Variants in PIN4 observed in about 807,000 individuals in gnomAD.
PIN4 encodes the protein peptidyl-prolyl cis-trans isomerase NIMA-interacting 4.
Under a neutral mutation model 8.3 loss-of-function variants are expected in PIN4, and 3 were observed. The observed-to-expected ratio is 0.36, with a 90% CI of 0.16 to 0.93. PIN4 has a LOEUF of 0.93. PIN4 is among the 40% of genes least tolerant of loss of function. The pLI is 0.44. For synonymous variants in PIN4, 18 were observed against 32.5 expected (o/e 0.55, Z 1.52); for missense variants, 75 against 100.6 (o/e 0.75, Z 1.09).
At chrX:72,200,537 A>G (rs986817491), downstream of PIN4, among the ~76,000 whole-genome samples, 3 of 112,175 alleles carry the variant, frequency 2.7e-5, no homozygotes, top group Non-Finnish European at 5.6e-5. Context: ...AAGGTATACT[A>G]TAATCATATG....
chrX:72,218,473 A>G (rs2042899865), intron 3 of PIN4, among the ~76,000 whole-genome samples: 1 of 106,314 alleles, frequency 9.4e-6, no homozygotes, highest in African/African-American at 3.5e-5. Flanking sequence ...TGGCTTTTAT[A>G]ATAGTTTGTC....
intron 3 of PIN4, among the ~76,000 whole-genome samples, chrX:72,229,284 G>GTA (rs771824090): frequency 2.7e-5 from 3 of 111,519 alleles, no homozygotes; most frequent in Admixed American, 1.9e-4. Context: ...TAACTACCCA[G>GTA]TATCACCTGA....
At chrX:72,258,508 G>GCCCTTACT (rs1478513998) in intron 3 of PIN4, among the ~76,000 whole-genome samples, 1 of 111,405 alleles carries the variant, frequency 9.0e-6, no homozygotes. Flanking sequence ...AATCGCCCCA[G>GCCCTTACT]CCCTTACTCC....
exon 4 of PIN4, chrX:72,263,548 G>A (rs1405794968): frequency 8.9e-6 from 1 of 111,819 alleles, no homozygotes; most frequent in Non-Finnish European, 1.9e-5. Flanking sequence ...AAAAATAGCT[G>A]AGCACCACAC....
chrX:72,260,261 G>C (rs1355102218), intron 3 of PIN4, among the ~76,000 whole-genome samples: 2 of 112,219 alleles, frequency 1.8e-5, no homozygotes, highest in Non-Finnish European at 3.8e-5. Flanking sequence ...GTGCCGCCCG[G>C]TGTCCTTCCG....
chrX:72,233,283 G>GAC (rs2042996087), intron 3 of PIN4, among the ~76,000 whole-genome samples: 1 of 111,839 alleles, frequency 8.9e-6, no homozygotes. Flanking sequence ...ACAAACTAAT[G>GAC]ACACTACAAG....
At chrX:72,242,580 A>C (rs1005554962) in intron 3 of PIN4, among the ~76,000 whole-genome samples, 3 of 112,694 alleles carry the variant, frequency 2.7e-5, no homozygotes, top group African/African-American at 9.7e-5. Flanking sequence ...AGTCAAAATA[A>C]TAGTTACTAC....
intron 2 of PIN4, among the ~76,000 whole-genome samples, chrX:72,196,317 C>T (rs1020229649): frequency 2.7e-5 from 3 of 109,516 alleles, no homozygotes; most frequent in African/African-American, 6.7e-5. Flanking sequence ...GGGTGGATCA[C>T]GAGGTCAGGA....
chrX:72,212,487 C>G (rs181867553), intron 3 of PIN4, among the ~76,000 whole-genome samples: 43 of 111,628 alleles, frequency 3.9e-4, no homozygotes, highest in African/African-American at 1.4e-3. Flanking sequence ...ATAAGCCATA[C>G]TATTAGACCT....
At chrX:72,233,721 C>CAAAAAAAAAAAAA (rs35310682) in intron 3 of PIN4, among the ~76,000 whole-genome samples, 5 of 89,703 alleles carry the variant, frequency 5.6e-5, no homozygotes, top group African/African-American at 1.8e-4. Flanking sequence ...GACTCCGTCT[C>CAAAAAAAAAAAAA]AAAAAAAAAA....
chrX:72,213,412 C>A (rs1182127748), intron 3 of PIN4, among the ~76,000 whole-genome samples: 2 of 111,600 alleles, frequency 1.8e-5, no homozygotes, highest in African/African-American at 6.5e-5. Flanking sequence ...GGCATTCGAG[C>A]CGGGAGGGGC....
chrX:72,229,918 C>G lies in PIN4; in HGVS notation c.313-32789C>G, dbSNP rs1348335615. Among the ~76,000 whole-genome samples the G allele has an allele frequency of 6.3e-5, 7 of 111,813 alleles. 1 individual carries two copies. Among genetic ancestry groups the G allele is most frequent in the African/African-American group, 1.9e-4 (6 of 30,848 alleles). On this transcript the variant is annotated intron_variant, in intron 3 of 3. Transcript: ENST00000423432. ...ATAAAAGTCCAAGACCTTGGCCAGGCACGGTGGCTCACGCCTGTAATCCCA... is the reference window on the plus strand; with the variant it reads ...ATAAAAGTCCAAGACCTTGGCCAGGGACGGTGGCTCACGCCTGTAATCCCA...
intron 1 of PIN4, among the ~76,000 whole-genome samples, chrX:72,184,593 A>G (rs1178623172): frequency 9.0e-6 from 1 of 111,678 alleles, no homozygotes; most frequent in African/African-American, 3.3e-5. Context: ...TGGCAGTCAG[A>G]AGATGACAGC....
intron 3 of PIN4, among the ~76,000 whole-genome samples, chrX:72,250,779 A>G (rs1306944002): frequency 1.1e-5 from 1 of 89,292 alleles, no homozygotes; most frequent in Non-Finnish European, 2.1e-5. Context: ...TCACTCTGTC[A>G]CCCAGGCTGG....
intron 2 of PIN4, among the ~76,000 whole-genome samples, chrX:72,192,309 T>G (rs939834228): frequency 8.9e-6 from 1 of 111,769 alleles, no homozygotes; most frequent in Non-Finnish European, 1.9e-5. Flanking sequence ...CCCTTTCTCC[T>G]TTTCAAACAA....
chrX:72,221,036 C>T (rs897002457), intron 3 of PIN4, among the ~76,000 whole-genome samples: 1 of 111,414 alleles, frequency 9.0e-6, no homozygotes, highest in African/African-American at 3.3e-5. Flanking sequence ...ATTTTTGGAG[C>T]GATTTGCATG....
At chrX:72,195,626 C>T (rs747905837) in intron 2 of PIN4, among the ~76,000 whole-genome samples, 5 of 109,228 alleles carry the variant, frequency 4.6e-5, no homozygotes, top group Non-Finnish European at 7.6e-5. Context: ...GGGCAACAGA[C>T]GGAGACTCTG....
At chrX:72,183,579 C>A (rs1308367765) in intron 1 of PIN4, among the ~76,000 whole-genome samples, 1 of 111,212 alleles carries the variant, frequency 9.0e-6, no homozygotes, top group Non-Finnish European at 1.9e-5. Flanking sequence ...TAGAGGTGGC[C>A]TTGGGTAAAA....
intron 3 of PIN4, among the ~76,000 whole-genome samples, chrX:72,260,826 C>T (rs1345081206): frequency 1.8e-5 from 2 of 111,770 alleles, no homozygotes; most frequent in Non-Finnish European, 3.8e-5. Flanking sequence ...TCAATTTTAC[C>T]CCCTACAAAT....
Sources: gnomAD v4.1 joint callset for allele counts (sites outside exome capture counted in the v4.1 genomes callset) on GRCh38, gnomAD v4.1.1 for gene constraint, MANE v1.5 for transcripts, NCBI Gene and HGNC (gene_info 2026-07-23, HGNC 2026-07-21) for gene names.